The following ELAVL1 variants were observed in gnomAD, a reference collection of about 807,000 sequenced individuals.
ELAVL1 encodes the protein ELAV like RNA binding protein 1, also known as ELAV-like protein 1.
ELAVL1 carries 1 observed loss-of-function variant against 28.4 expected under a neutral mutation model. That is an observed-to-expected ratio of 0.04 (90% confidence interval 0.01 to 0.17). ELAVL1 has a LOEUF of 0.17. ELAVL1 is among the 10% of genes least tolerant of loss of function. ELAVL1 has a pLI of 1.00. For synonymous variants in ELAVL1, 174 were observed against 183.5 expected (o/e 0.95, Z 0.42); for missense variants, 157 against 447.2 (o/e 0.35, Z 5.85).
At chr19:7,984,783 G>A (rs540930759) in intron 2 of ELAVL1, among the ~76,000 whole-genome samples, 1 of 152,352 alleles carries the variant, frequency 6.6e-6, no homozygotes, top group East Asian at 1.9e-4. Flanking sequence ...GCTGGGTGAG[G>A]CCATCACTGG....
intron 2 of ELAVL1, among the ~76,000 whole-genome samples, chr19:7,983,178 G>A (rs934628173): frequency 1.3e-5 from 2 of 152,160 alleles, no homozygotes; most frequent in African/African-American, 4.8e-5. Flanking sequence ...CTCTAGACTC[G>A]TATTTCTAAT....
chr19:7,967,551 C>G lies in ELAVL1; in HGVS notation c.656+14G>C. 6.2e-7 allele frequency: 1 copy of G among 1,612,354 alleles called. No homozygotes were observed. The highest frequency in any genetic ancestry group is 8.5e-7 in the Non-Finnish European group (1 of 1,179,304). On this transcript the variant is annotated intron_variant, in intron 5 of 5. Transcript: ENST00000407627. ...TAAGTATGGCTTTCAGGAGCGCGCACCCTCCCGACCCACCTGAATCTCTGC... is the reference window on the plus strand; with the variant it reads ...TAAGTATGGCTTTCAGGAGCGCGCAGCCTCCCGACCCACCTGAATCTCTGC...
chr19:7,983,213 C>T (rs1039338651), intron 2 of ELAVL1, among the ~76,000 whole-genome samples: 1 of 152,230 alleles, frequency 6.6e-6, no homozygotes, highest in African/African-American at 2.4e-5. Context: ...CTAAGAGACT[C>T]AGCTCTGGGG....
chr19:7,968,907 T>C (rs1012351049), intron 4 of ELAVL1, among the ~76,000 whole-genome samples: 7 of 151,932 alleles, frequency 4.6e-5, no homozygotes, highest in Non-Finnish European at 8.8e-5. Flanking sequence ...GCGCACTAGC[T>C]CCTTCTCTGG....
rs1257020853 is a variant in ELAVL1 at position 7,979,019 on chromosome 19, C to T, written c.276+2064G>A. 6.6e-6 allele frequency among the ~76,000 whole-genome samples: 1 copy of T among 152,218 alleles called. No homozygotes were observed. The highest frequency in any genetic ancestry group is 1.5e-5 in the Non-Finnish European group (1 of 68,034). Reference sequence around the variant, plus strand: ...CTCAGTATCAACGTATCTGGCCCAGCACCACACTGGCCAGGGGCTCAGTAA... The same window carrying T: ...CTCAGTATCAACGTATCTGGCCCAGTACCACACTGGCCAGGGGCTCAGTAA... On this transcript the variant is annotated intron_variant, in intron 3 of 5. Coordinates refer to ENST00000407627, the MANE Select transcript of ELAVL1 (RefSeq NM_001419.3). The surrounding 1 kb of genome is among the most constrained non-coding windows in gnomAD (Gnocchi z 5.4).
intron 1 of ELAVL1, among the ~76,000 whole-genome samples, chr19:8,000,495 C>T (rs962181623): frequency 6.6e-6 from 1 of 152,194 alleles, no homozygotes; most frequent in Non-Finnish European, 1.5e-5. Flanking sequence ...CAGAGCAAAA[C>T]TAGAACAGTC....
rs1263558836 is a variant in ELAVL1, at chr19:7,959,894, G to A, written c.*3589C>T. ...GGGAAGATGGGAGGGGATTGAGGTGGAGGGTGGGGTGGAGGGACAGGATAG... is the reference window on the plus strand; with the variant it reads ...GGGAAGATGGGAGGGGATTGAGGTGAAGGGTGGGGTGGAGGGACAGGATAG... On this transcript the variant is annotated 3_prime_UTR_variant, in exon 6 of 6. Transcript: ENST00000407627. The A allele has an allele frequency of 2.0e-5, 3 of 151,924 alleles. No individual in the cohort carries two copies. The highest frequency in any genetic ancestry group is 4.4e-5 in the Non-Finnish European group (3 of 67,960). 9.4% of individuals were successfully genotyped at this position (151,924 alleles called of 1,614,324 possible). A position where few individuals can be genotyped will look rare whatever the true frequency, so the allele number is the denominator to read the frequency against.
intron 2 of ELAVL1, among the ~76,000 whole-genome samples, chr19:7,986,098 C>T (rs1985593709): frequency 6.6e-6 from 1 of 152,272 alleles, no homozygotes; most frequent in Admixed American, 6.5e-5. Flanking sequence ...GACTGGAGAG[C>T]TGCTTCCTTG....
intron 2 of ELAVL1, among the ~76,000 whole-genome samples, chr19:7,984,527 G>A (rs957343146): frequency 3.9e-5 from 6 of 152,218 alleles, no homozygotes; most frequent in Non-Finnish European, 8.8e-5. Context: ...GAGCCAGTGT[G>A]GAGCCAGCGG....
chr19:7,990,931 GC>G (rs1186783736), intron 2 of ELAVL1, among the ~76,000 whole-genome samples: 2 of 152,276 alleles, frequency 1.3e-5, no homozygotes, highest in South Asian at 4.1e-4. Context: ...TGTAAGGAAG[GC>G]CTTCACAAGT....
At chr19:7,972,269 C>G (rs182399874) in intron 4 of ELAVL1, among the ~76,000 whole-genome samples, 1 of 152,352 alleles carries the variant, frequency 6.6e-6, no homozygotes, top group African/African-American at 2.4e-5. Flanking sequence ...GGGCCACGTG[C>G]AGGGCTTGGC....
intron 3 of ELAVL1, among the ~76,000 whole-genome samples, chr19:7,980,785 G>A (rs1342758706): frequency 6.6e-6 from 1 of 152,208 alleles, no homozygotes; most frequent in Non-Finnish European, 1.5e-5. Flanking sequence ...AGGGAGCACT[G>A]GGCAGGCTGG....
chr19:7,963,406 A>G lies in ELAVL1; in HGVS notation c.*77T>C, dbSNP rs970026018. ...CACTTGTGAAAATTGGCGCAAAATGAGTTGTACACTAACAAGAAAAGTTTC... is the reference window on the plus strand; with the variant it reads ...CACTTGTGAAAATTGGCGCAAAATGGGTTGTACACTAACAAGAAAAGTTTC... On this transcript the variant is annotated 3_prime_UTR_variant, in exon 6 of 6. Coordinates refer to ENST00000407627, the MANE Select transcript of ELAVL1 (RefSeq NM_001419.3). This position sits in a 1 kb window ranked among gnomAD's most constrained non-coding sequence, Gnocchi z 4.5. 1 of 1,499,748 alleles carries G rather than the reference A, an allele frequency of 6.7e-7. No individual in the cohort carries two copies. The highest frequency in any genetic ancestry group is 9.0e-7 in the Non-Finnish European group (1 of 1,116,574). The allele number at this position is 1,499,748 out of a possible 1,614,324, so 92.9% of individuals were successfully genotyped here.
At chr19:7,987,965 C>A (rs1021593372) in intron 2 of ELAVL1, among the ~76,000 whole-genome samples, 4 of 152,202 alleles carry the variant, frequency 2.6e-5, no homozygotes, top group African/African-American at 9.7e-5. Context: ...CACATGCGGG[C>A]TGTCAAACAG....
chr19:7,963,757 A>C lies in ELAVL1; in HGVS notation c.707T>G (p.Val236Gly), dbSNP rs1215396504. 1 of 1,614,260 alleles carries C rather than the reference A, an allele frequency of 6.2e-7. No homozygotes were observed. Among genetic ancestry groups the C allele is most frequent in the Admixed American group, 1.7e-5 (1 of 60,038 alleles). Residue 236 changes from valine to glycine, a missense_variant, in exon 6 of 6, where the codon GTG (valine) becomes GGG (glycine). Around this residue, in one of 4 missense-constraint regions of ELAVL1, gnomAD observed 107 missense variants for 310.4 expected, o/e 0.34. Transcript: ENST00000407627. This position sits in a 1 kb window ranked among gnomAD's most constrained non-coding sequence, Gnocchi z 4.5. ...CCAGCCGGAGGAGGCGTTTCCTGGC[A>C]CGTTGACGCCAGAGAGCCCGCTCAT... ...DHMSGLSGVN[V>G]PGNASSGWCI...
In ELAVL1 at chr19:7,967,600, G is replaced by C. The variant is rs377051094; in HGVS notation, c.621C>G (p.Phe207Leu). The change falls in exon 5 of 6, where the codon TTC (phenylalanine) becomes TTG (leucine). Residue 207 changes from phenylalanine (F) to leucine (L), a missense_variant. Phe to Leu is a conservative substitution (Grantham distance 22). Transcript: ENST00000407627. ...GCGCCTGGTGGTGAACGGGGCCTCC[G>C]AACCGTCGCGCTGGCGAGTGGTACA... ...SQLYHSPARR[F>L]GGPVHHQAQR... 1 of 1,614,106 alleles carries C rather than the reference G, an allele frequency of 6.2e-7. No homozygotes were observed. Among genetic ancestry groups the C allele is most frequent in the South Asian group, 1.1e-5 (1 of 91,078 alleles).
At chr19:7,988,618 C>T (rs1404473272) in intron 2 of ELAVL1, among the ~76,000 whole-genome samples, 1 of 152,154 alleles carries the variant, frequency 6.6e-6, no homozygotes, top group Non-Finnish European at 1.5e-5. Flanking sequence ...CAGTGGCTCT[C>T]GCTAGGGGAG....
chr19:7,958,639 G>A lies in ELAVL1; in HGVS notation c.*4844C>T, dbSNP rs547895945. ...ATTCCAGTCATAGTTAACATACAGC[G>A]TTTAACACGAACCTGATACCTGTAG... is the stretch of plus-strand genomic sequence containing the variant. On this transcript the variant is annotated 3_prime_UTR_variant, in exon 6 of 6. Transcript: ENST00000407627. 8 of 152,284 alleles carry A rather than the reference G, an allele frequency of 5.3e-5. No individual in the cohort carries two copies. Among genetic ancestry groups the A allele is most frequent in the South Asian group, 2.1e-4 (1 of 4,830 alleles). The allele number at this position is 152,284 out of a possible 1,614,324, so 9.4% of individuals were successfully genotyped here. A position where few individuals can be genotyped will look rare whatever the true frequency, so the allele number is the denominator to read the frequency against.
chr19:7,984,298 C>G (rs997076037), intron 2 of ELAVL1, among the ~76,000 whole-genome samples: 1 of 152,136 alleles, frequency 6.6e-6, no homozygotes, highest in Non-Finnish European at 1.5e-5. Flanking sequence ...GGGGGCAAGT[C>G]AGACAACATG....
Sources: allele counts gnomAD v4.1 joint callset (sites outside exome capture counted in the v4.1 genomes callset), GRCh38; gene constraint gnomAD v4.1.1; regional missense constraint gnomAD v4.1.1; non-coding constraint Gnocchi (gnomAD v3.1); transcripts MANE v1.5; gene names NCBI Gene and HGNC (gene_info 2026-07-23, HGNC 2026-07-21).